SH3BP2: variants seen among roughly 807,000 people sequenced by gnomAD.
SH3BP2 encodes SH3 domain-binding protein 2.
Under a neutral mutation model 56.2 loss-of-function variants are expected in SH3BP2, and 38 were observed. That is an observed-to-expected ratio of 0.68 (90% CI 0.52 to 0.89). The LOEUF is 0.89. Ranked by LOEUF, SH3BP2 falls within the 40% of genes least tolerant of loss-of-function variation. The pLI is 0.00. For synonymous variants in SH3BP2, 346 were observed against 316.7 expected, an observed-to-expected ratio of 1.09 and a Z score of -0.98; for missense variants, 748 against 762.6, an observed-to-expected ratio of 0.98 and a Z score of 0.23.
At chr4:2,833,534 G>A (rs1725112167) in intron 12 of SH3BP2, 163 bp from the exon 13 acceptor site, 1 of 799,502 alleles carries the variant, frequency 1.3e-6, no homozygotes, top group South Asian at 1.6e-5. Flanking sequence ...GGAGAGCACA[G>A]GCCTGATGCG....
intron 1 of SH3BP2, among the ~76,000 whole-genome samples, chr4:2,798,372 A>G (rs1560093694): frequency 1.3e-5 from 2 of 152,172 alleles, no homozygotes; most frequent in Non-Finnish European, 2.9e-5. Context: ...AAAAGGCCGG[A>G]TTTCTCACCA....
intron 3 of SH3BP2, 52 bp downstream of exon 3, chr4:2,823,089 C>T: frequency 7.5e-7 from 1 of 1,333,782 alleles, no homozygotes; most frequent in South Asian, 1.2e-5. Context: ...CAGCGGGTCC[C>T]TCCCAGCAGA....
intron 6 of SH3BP2, 54 bp from the exon 7 acceptor site, chr4:2,827,552 C>T (rs1273303198): frequency 1.8e-5 from 28 of 1,534,880 alleles, no homozygotes; most frequent in Middle Eastern, 3.3e-4. Flanking sequence ...GAGCATTGCT[C>T]GGAGACTGGG....
chr4:2,820,409 G>T (rs770339041), intron 1 of SH3BP2, among the ~76,000 whole-genome samples: 6 of 152,174 alleles, frequency 3.9e-5, no homozygotes, highest in Non-Finnish European at 8.8e-5. Flanking sequence ...TGGACCAGGG[G>T]CTGACTGAGT....
chr4:2,827,201 C>T (rs757734790), intron 5 of SH3BP2, 29 bp from the exon 6 acceptor site: 18 of 1,603,592 alleles, frequency 1.1e-5, no homozygotes, highest in Admixed American at 8.3e-5. Flanking sequence ...TGGTGCTCAC[C>T]GTCCGCCCCA....
intron 3 of SH3BP2, among the ~76,000 whole-genome samples, chr4:2,824,262 G>T (rs1577358875): frequency 1.3e-5 from 2 of 152,300 alleles, no homozygotes; most frequent in East Asian, 1.9e-4. Flanking sequence ...AGCCCTGTGG[G>T]GTACCCCAGG....
At chr4:2,822,769 G>A (rs952588584) in intron 2 of SH3BP2, among the ~76,000 whole-genome samples, 166 bp from the exon 3 acceptor site, 1 of 152,210 alleles carries the variant, frequency 6.6e-6, no homozygotes, top group Non-Finnish European at 1.5e-5. Flanking sequence ...CCCCAGAGTG[G>A]GCTCCTGGGG....
chr4:2,821,950 GTCCACC>G lies in SH3BP2; in HGVS notation c.137-981_137-976del, dbSNP rs202061974. Among the ~76,000 whole-genome samples, 1,478 of 151,932 alleles carry G rather than the reference GTCCACC, an allele frequency of 9.7e-3. 15 individuals carry two copies. Among genetic ancestry groups the G allele is most frequent in the African/African-American group, 0.034 (1,391 of 41,400 alleles). On this transcript the variant is annotated intron_variant, in intron 2 of 12. Transcript: ENST00000503393. ...TGACTTGATCTCAGCTCACTGTAAC[GTCCACC>G]TCCTGGGTTCCAGCAATTCTCCTGC...
rs1346306278 is a variant in SH3BP2, at chr4:2,840,641, T to C, written c.*6807T>C. On this transcript the variant is annotated 3_prime_UTR_variant, in exon 13 of 13. Coordinates refer to ENST00000503393, the MANE Select transcript of SH3BP2 (RefSeq NM_001122681.2). ...ATAAAGTAAGTCTTTTCCACCTTATTTTTCTTCTTTGAGAGTGTCTTGACT... is the reference window on the plus strand; with the variant it reads ...ATAAAGTAAGTCTTTTCCACCTTATCTTTCTTCTTTGAGAGTGTCTTGACT... 1.3e-5 allele frequency: 2 copies of C among 152,240 alleles called. No homozygotes were observed. Among genetic ancestry groups the C allele is most frequent in the Non-Finnish European group, 2.9e-5 (2 of 68,044 alleles). The allele number at this position is 152,240 out of a possible 1,614,324, so 9.4% of individuals were successfully genotyped here. A position where few individuals can be genotyped will look rare whatever the true frequency, so the allele number is the denominator to read the frequency against.
chr4:2,818,514 C>A, intron 1 of SH3BP2: 1 of 561,570 alleles, frequency 1.8e-6, no homozygotes, highest in Non-Finnish European at 2.4e-6. Flanking sequence ...CGCCCACGCG[C>A]TTCTTGGGGG....
chr4:2,821,650 C>T (rs1724312176), intron 2 of SH3BP2, among the ~76,000 whole-genome samples: 1 of 152,132 alleles, frequency 6.6e-6, no homozygotes, highest in Admixed American at 6.5e-5. Context: ...GCCTCAACCT[C>T]CCAGGCTCAG....
At chr4:2,800,743 A>T (rs1300610729) in intron 1 of SH3BP2, among the ~76,000 whole-genome samples, 1 of 152,216 alleles carries the variant, frequency 6.6e-6, no homozygotes, top group East Asian at 1.9e-4. Flanking sequence ...CTGAGGAAGG[A>T]CCTGGCCTGG....
rs1167858101 is a variant in SH3BP2 at position 2,827,595 on chromosome 4, TC to T, written c.518-7del. The T allele has an allele frequency of 2.6e-6, 4 of 1,563,004 alleles. No homozygotes were observed. Among genetic ancestry groups the T allele is most frequent in the Middle Eastern group, 1.7e-4 (1 of 5,932 alleles). On this transcript the variant is annotated splice_polypyrimidine_tract_variant and intron_variant, in intron 6 of 12. Transcript: ENST00000503393. ...CGGTTTGGCTCTCACCACCCCCCTC[TC>T]CCCATGCAGACTATGAGCACGACGA...
chr4:2,830,752 GC>G (rs1336246807), intron 8 of SH3BP2, among the ~76,000 whole-genome samples: 2 of 152,360 alleles, frequency 1.3e-5, no homozygotes, highest in Non-Finnish European at 2.9e-5. Flanking sequence ...GTGGTCAAAG[GC>G]ATCTGGGACC....
intron 1 of SH3BP2, among the ~76,000 whole-genome samples, chr4:2,812,926 C>T (rs1338901691): frequency 6.6e-6 from 1 of 152,096 alleles, no homozygotes; most frequent in Admixed American, 6.6e-5. Context: ...CCCTGCTGCC[C>T]ACCTGGGGAG....
At position 2,820,895 on chromosome 4, in the gene SH3BP2, C is replaced by T. The variant is rs985339997; in HGVS notation, c.136+142C>T. 3 of 1,014,800 alleles carry T rather than the reference C, an allele frequency of 3.0e-6. No individual in the cohort carries two copies. In the Admixed American group the frequency reaches 7.6e-5, roughly 26 times the overall value. 62.9% of individuals were successfully genotyped at this position (1,014,800 alleles called of 1,614,324 possible). ...CCCATTCCCTCTCTGGTGGCTGGCA[C>T]CCCTGGAGAAGCAGAGGTTGACTTC... is the stretch of plus-strand genomic sequence containing the variant. On this transcript the variant is annotated intron_variant, in intron 2 of 12. Transcript: ENST00000503393.
At chr4:2,833,223 C>T (rs1373308380) in intron 12 of SH3BP2, 174 bp downstream of exon 12, 5 of 681,350 alleles carry the variant, frequency 7.3e-6, no homozygotes, top group East Asian at 2.7e-5. Flanking sequence ...GCTCAGCCTC[C>T]CTCCTCTCGT....
In SH3BP2 at chr4:2,834,172, C is replaced by T; in HGVS notation, c.*338C>T. The T allele has an allele frequency of 4.1e-6, 1 of 243,106 alleles. No homozygotes were observed. Among genetic ancestry groups the T allele is most frequent in the Non-Finnish European group, 8.0e-6 (1 of 125,194 alleles). 15.1% of individuals were successfully genotyped at this position (243,106 alleles called of 1,614,324 possible). On this transcript the variant is annotated 3_prime_UTR_variant, in exon 13 of 13. Transcript: ENST00000503393. ...CACTCACCCCTAAGTGGGCTGGGAG[C>T]CAGGCAGGGCCAGGGCAGCTGGGTG...
intron 1 of SH3BP2, among the ~76,000 whole-genome samples, chr4:2,805,343 C>T (rs1385708235): frequency 3.3e-5 from 5 of 152,154 alleles, no homozygotes; most frequent in South Asian, 4.1e-4. Context: ...GCCCAGGCTG[C>T]GCTTGGTGGG....
Sources: gnomAD v4.1 joint callset for allele counts (sites outside exome capture counted in the v4.1 genomes callset) on GRCh38, gnomAD v4.1.1 for gene constraint, MANE v1.5 for transcripts, NCBI Gene and HGNC (gene_info 2026-07-23, HGNC 2026-07-21) for gene names.